The following NHSL2 variants were observed in gnomAD, a reference collection of about 807,000 sequenced individuals.
NHSL2 encodes NHS like 2, also known as NHS-like protein 2.
Under a neutral mutation model 53.4 loss-of-function variants are expected in NHSL2, and 27 were observed. The ratio of observed to expected loss-of-function variants is 0.51; its 90% CI spans 0.37 to 0.70. The LOEUF (loss-of-function observed/expected upper bound fraction) is 0.70. Among genes scored for constraint, NHSL2 ranks in the 30% least tolerant of loss-of-function variants. NHSL2 has a pLI of 0.00. For missense variants in NHSL2, 892 were observed against 980.1 expected (o/e 0.91, Z 1.20); for synonymous variants, 408 against 404.1 (o/e 1.01, Z -0.12).
chrX:72,057,892 G>T (rs2042378403), intron 1 of NHSL2, among the ~76,000 whole-genome samples: 1 of 112,562 alleles, frequency 8.9e-6, no homozygotes, highest in Admixed American at 9.4e-5. Context: ...GGGGGGAAAA[G>T]CCACCAATCT....
In NHSL2 at chrX:72,138,877, C is replaced by T. The variant is rs145938118; in HGVS notation, c.1329C>T (p.Val443=). 71 of 1,208,372 alleles carry T rather than the reference C, an allele frequency of 5.9e-5. No homozygotes were observed. The highest frequency in any genetic ancestry group is 7.0e-5 in the African/African-American group (4 of 57,323). Residue 443 remains valine, a synonymous_variant, in exon 6 of 8, where the codon GTC becomes GTT. Coordinates refer to ENST00000633930, the MANE Select transcript of NHSL2 (RefSeq NM_001013627.3). The part of the protein sequence containing the change: ...LVPKEAATLL[V]ARDNPAGCSG... ...CTAAGGAGGCTGCTACCCTCCTTGT[C>T]GCTCGTGATAACCCAGCAGGATGCA...
At position 72,134,699 on chromosome X, in the gene NHSL2, T is replaced by C. The variant is rs1051201448; in HGVS notation, c.755T>C (p.Ile252Thr). 3 of 1,160,259 alleles carry C rather than the reference T, an allele frequency of 2.6e-6. No homozygotes were observed. The highest frequency in any genetic ancestry group is 6.5e-5 in the East Asian group (2 of 30,752). ...STQSDIVPIN[I>T]SGQQFDKHAS... ...CAGTCTGACATTGTGCCCATCAACA[T>C]CTCTGGTAGAGTTGCTTAGCACCGC... is the stretch of plus-strand genomic sequence containing the variant. Residue 252 changes from isoleucine (I) to threonine (T), a missense_variant, in exon 4 of 8, where the codon ATC becomes ACC. Coordinates refer to ENST00000633930, the MANE Select transcript of NHSL2 (RefSeq NM_001013627.3).
Position 72,134,180 on chromosome X carries a change from A to T in NHSL2, c.526A>T (p.Arg176Trp), listed in dbSNP as rs1308389465. ...GGCCACTAAGCCCACCCCCAACCCA[A>T]GGCCCCAGTCTGCCAGGCGTCTGGA... Reference protein sequence around the residue: ...DEATKPTPNPRPQSARRLEFI... With the variant: ...DEATKPTPNPWPQSARRLEFI... Residue 176 changes from arginine (R) to tryptophan (W), a missense_variant, in exon 3 of 8, where the codon AGG (arginine) becomes TGG (tryptophan). Coordinates refer to ENST00000633930, the MANE Select transcript of NHSL2 (RefSeq NM_001013627.3). 7.5e-5 allele frequency: 87 copies of T among 1,166,463 alleles called. No homozygotes were observed. The highest frequency in any genetic ancestry group is 9.5e-5 in the Non-Finnish European group (83 of 872,391).
chrX:71,977,518 C>T (rs1389699838), intron 1 of NHSL2, among the ~76,000 whole-genome samples: 6 of 108,029 alleles, frequency 5.6e-5, no homozygotes, highest in African/African-American at 1.7e-4. Flanking sequence ...ACCTCCTGGG[C>T]TCAAGTGATC....
At chrX:72,118,673 A>C (rs1050361878) in intron 1 of NHSL2, among the ~76,000 whole-genome samples, 1 of 111,752 alleles carries the variant, frequency 8.9e-6, no homozygotes, top group Non-Finnish European at 1.9e-5. Flanking sequence ...TGATCCTCCC[A>C]TGTCAGCCTC....
Position 72,119,959 on chromosome X carries a change from G to C in NHSL2, c.281-12120G>C, listed in dbSNP as rs760270511. 1.5e-4 allele frequency among the ~76,000 whole-genome samples: 17 copies of C among 112,531 alleles called. No individual in the cohort carries two copies. The East Asian group carries it at 4.4e-3, about 29-fold the overall frequency. ...TGTTGAGGGTTTTTATCATGAAAGAGTGTTGGATTTTATCAAATCATTTTT... is the reference window on the plus strand; with the variant it reads ...TGTTGAGGGTTTTTATCATGAAAGACTGTTGGATTTTATCAAATCATTTTT... On this transcript the variant is annotated intron_variant, in intron 1 of 7. Transcript: ENST00000633930.
At chrX:71,929,671 C>T (rs752182289) in intron 1 of NHSL2, among the ~76,000 whole-genome samples, 42 of 111,636 alleles carry the variant, frequency 3.8e-4, no homozygotes, top group Non-Finnish European at 7.3e-4. Flanking sequence ...AAACTCTACT[C>T]AAGATTGTAG....
intron 1 of NHSL2, among the ~76,000 whole-genome samples, chrX:71,919,840 A>ATT (rs1569462635): frequency 5.3e-5 from 6 of 112,373 alleles, no homozygotes; most frequent in Non-Finnish European, 1.1e-4. Flanking sequence ...TTAATGAAGC[A>ATT]GCAGAGGATG....
chrX:72,076,941 G>A lies in NHSL2; in HGVS notation c.281-55138G>A, dbSNP rs960045740. On this transcript the variant is annotated intron_variant, in intron 1 of 7. Coordinates refer to ENST00000633930, the MANE Select transcript of NHSL2 (RefSeq NM_001013627.3). ...GGCTCCTAATTGCTCCCCACCATTCGGGTGGAGTGTGTTCTCTGAGTTTTG... is the reference window on the plus strand; with the variant it reads ...GGCTCCTAATTGCTCCCCACCATTCAGGTGGAGTGTGTTCTCTGAGTTTTG... Among the ~76,000 whole-genome samples, 3 of 111,238 alleles carry A rather than the reference G, an allele frequency of 2.7e-5. No homozygotes were observed. In the South Asian group the frequency reaches 1.2e-3, roughly 43 times the overall value.
At chrX:72,020,608 AG>A (rs1258022144) in intron 1 of NHSL2, among the ~76,000 whole-genome samples, 1 of 111,415 alleles carries the variant, frequency 9.0e-6, no homozygotes, top group Non-Finnish European at 1.9e-5. Context: ...CTTTCTAGGG[AG>A]GGGGGAAGGG....
At chrX:71,920,388 A>G (rs2041651472) in intron 1 of NHSL2, among the ~76,000 whole-genome samples, 1 of 111,633 alleles carries the variant, frequency 9.0e-6, no homozygotes, top group South Asian at 3.8e-4. Flanking sequence ...AGACCAATAG[A>G]TATTATTGAC....
At chrX:71,945,033 AG>A (rs1248436312) in intron 1 of NHSL2, among the ~76,000 whole-genome samples, 1 of 112,281 alleles carries the variant, frequency 8.9e-6, no homozygotes, top group Non-Finnish European at 1.9e-5. Context: ...GCTTTGAAAA[AG>A]ATCAGAAGAC....
At chrX:72,025,648 A>T (rs2042181851) in intron 1 of NHSL2, among the ~76,000 whole-genome samples, 1 of 112,365 alleles carries the variant, frequency 8.9e-6, no homozygotes, top group Admixed American at 9.4e-5. Context: ...CCTCAAAAAC[A>T]AATGACCCAT....
chrX:72,003,173 T>G (rs933998593), intron 1 of NHSL2, among the ~76,000 whole-genome samples: 1 of 111,232 alleles, frequency 9.0e-6, no homozygotes, highest in Non-Finnish European at 1.9e-5. Context: ...TGTCGTGTGT[T>G]GCTGAACAGC....
At chrX:72,016,787 G>T (rs975489546) in intron 1 of NHSL2, among the ~76,000 whole-genome samples, 1 of 111,866 alleles carries the variant, frequency 8.9e-6, no homozygotes, top group African/African-American at 3.3e-5. Flanking sequence ...CACTTGCTCT[G>T]CTGTTCAGTG....
At chrX:71,979,731 A>G (rs189119717) in intron 1 of NHSL2, among the ~76,000 whole-genome samples, 1,359 of 111,134 alleles carry the variant, frequency 0.012, 14 homozygotes, top group African/African-American at 0.041. Context: ...CTCTGATGGT[A>G]TTTTCTTTTG....
At chrX:72,029,526 C>T (rs1038874324) in intron 1 of NHSL2, among the ~76,000 whole-genome samples, 2 of 112,727 alleles carry the variant, frequency 1.8e-5, no homozygotes, top group African/African-American at 6.4e-5. Flanking sequence ...CTAACTTATC[C>T]TTGTCCACCC....
intron 1 of NHSL2, among the ~76,000 whole-genome samples, chrX:72,098,165 A>T (rs1209231229): frequency 1.8e-5 from 2 of 112,562 alleles, no homozygotes; most frequent in East Asian, 5.5e-4. Context: ...AGACAGAGGC[A>T]GCAGTTGAGC....
chrX:72,084,865 G>A (rs182574974), intron 1 of NHSL2, among the ~76,000 whole-genome samples: 151 of 111,761 alleles, frequency 1.4e-3, no homozygotes, highest in Non-Finnish European at 2.4e-3. Context: ...GAATGGCTGG[G>A]TATGATGTTC....
Sources: allele counts gnomAD v4.1 joint callset (sites outside exome capture counted in the v4.1 genomes callset), GRCh38; gene constraint gnomAD v4.1.1; transcripts MANE v1.5; gene names NCBI Gene and HGNC (gene_info 2026-07-23, HGNC 2026-07-21).